Variants in ZNF292 observed in about 807,000 individuals in gnomAD.
ZNF292 encodes the protein zinc finger protein 292, also known as 16 zinc-finger domain protein.
In ZNF292, 26 loss-of-function variants were observed where a neutral mutation model predicts 217.9. That is an observed-to-expected ratio of 0.12 (90% CI 0.09 to 0.17). The LOEUF is 0.17. ZNF292 is among the 10% of genes least tolerant of loss of function. The pLI, the probability that ZNF292 is intolerant of heterozygous loss-of-function variation, is 1.00. For synonymous variants in ZNF292, 1,257 were observed against 1,124.1 expected, an observed-to-expected ratio of 1.12 and a Z score of -2.37; for missense variants, 2,904 against 3,175.2, an observed-to-expected ratio of 0.91 and a Z score of 2.05.
intron 1 of ZNF292, among the ~76,000 whole-genome samples, chr6:87,197,651 T>G (rs916906183): frequency 6.8e-6 from 1 of 147,542 alleles, no homozygotes; most frequent in Non-Finnish European, 1.5e-5. Flanking sequence ...GCAGGAGAAT[T>G]GCTTGAACCC....
In ZNF292 at chr6:87,240,205, A is replaced by G. The variant is rs533164678; in HGVS notation, c.742-3270A>G. 8.2e-4 allele frequency among the ~76,000 whole-genome samples: 125 copies of G among 152,274 alleles called. 3 individuals carry two copies. The South Asian group carries it at 0.019, about 24-fold the overall frequency. Reference sequence around the variant, plus strand: ...TCTCCACCAAAAAAATATGAAAACCAGTCAGGCGTGGCGGCATGCGCCTGC... The same window carrying G: ...TCTCCACCAAAAAAATATGAAAACCGGTCAGGCGTGGCGGCATGCGCCTGC... On this transcript the variant is annotated intron_variant, in intron 5 of 7. Transcript: ENST00000369577.
At position 87,155,609 on chromosome 6, in the gene ZNF292, C is replaced by T. The variant is rs754500506; in HGVS notation, c.18C>T (p.Ala6=). The T allele has an allele frequency of 3.8e-6, 6 of 1,581,564 alleles. No individual in the cohort carries two copies. Among genetic ancestry groups the T allele is most frequent in the Admixed American group, 1.8e-5 (1 of 54,574 alleles). Reference sequence around the variant, plus strand: ...GTGTGAAGATGGCGGACGAAGAGGCCGAGCAGGAGAGGTTGAGTTGCGGCG... The same window carrying T: ...GTGTGAAGATGGCGGACGAAGAGGCTGAGCAGGAGAGGTTGAGTTGCGGCG... MADEE[A]EQERLSCGEG... The change falls in exon 1 of 8, where the codon GCC becomes GCT. Residue 6 remains alanine, a synonymous_variant. Transcript: ENST00000369577.
intron 4 of ZNF292, among the ~76,000 whole-genome samples, chr6:87,229,767 T>C (rs187074481): frequency 6.6e-6 from 1 of 152,228 alleles, no homozygotes; most frequent in Admixed American, 6.5e-5. Flanking sequence ...AAATTAAGTA[T>C]TTTTAAAAAG....
intron 1 of ZNF292, among the ~76,000 whole-genome samples, chr6:87,163,295 C>CA (rs1182720521): frequency 1.3e-5 from 2 of 151,888 alleles, no homozygotes; most frequent in Admixed American, 1.3e-4. Flanking sequence ...ACTAAAAATA[C>CA]AAAAAATTAG....
At chr6:87,163,463 C>A (rs200095796) in intron 1 of ZNF292, among the ~76,000 whole-genome samples, 73 of 150,900 alleles carry the variant, frequency 4.8e-4, no homozygotes, top group East Asian at 2.3e-3. Context: ...AAAAAAAAAA[C>A]CCCAAAAAAA....
At chr6:87,168,499 G>A (rs1770987057) in intron 1 of ZNF292, among the ~76,000 whole-genome samples, 1 of 152,150 alleles carries the variant, frequency 6.6e-6, no homozygotes, top group South Asian at 2.1e-4. Context: ...TTGAGGTCGA[G>A]TTTCGCTCTT....
At chr6:87,168,862 C>A (rs1416537412) in intron 1 of ZNF292, among the ~76,000 whole-genome samples, 1 of 152,040 alleles carries the variant, frequency 6.6e-6, no homozygotes, top group East Asian at 1.9e-4. Context: ...CCAGGACCCC[C>A]CTTAGATTCC....
intron 1 of ZNF292, among the ~76,000 whole-genome samples, chr6:87,170,975 A>C (rs1381403945): frequency 6.6e-6 from 1 of 152,206 alleles, no homozygotes; most frequent in Non-Finnish European, 1.5e-5. Flanking sequence ...CTTTGGAAAC[A>C]CTTTGGATGT....
At position 87,250,441 on chromosome 6, in the gene ZNF292, C is replaced by G. The variant is rs141746964; in HGVS notation, c.1021-4209C>G. On this transcript the variant is annotated intron_variant, in intron 7 of 7. Transcript: ENST00000369577. ...TCAGCCTGGGTGACAAAGTGAGACC[C>G]TGTCTCAAAAAAGAAAAGGAAAAAA... Among the ~76,000 whole-genome samples, 992 of 151,892 alleles carry G rather than the reference C, an allele frequency of 6.5e-3. 4 individuals carry two copies. Among genetic ancestry groups the G allele is most frequent in the Non-Finnish European group, 0.011 (717 of 67,956 alleles).
At chr6:87,177,070 G>A (rs1160180324) in intron 1 of ZNF292, among the ~76,000 whole-genome samples, 1 of 151,996 alleles carries the variant, frequency 6.6e-6, no homozygotes, top group Non-Finnish European at 1.5e-5. Context: ...GCTCACACCT[G>A]TAATCCCAGC....
chr6:87,235,596 T>G (rs1464235344), intron 5 of ZNF292, among the ~76,000 whole-genome samples: 1 of 152,126 alleles, frequency 6.6e-6, no homozygotes, highest in Admixed American at 6.6e-5. Context: ...TATTTCTAGC[T>G]CTCTGAATAA....
At chr6:87,241,971 C>T (rs1356379312) in intron 5 of ZNF292, among the ~76,000 whole-genome samples, 2 of 152,180 alleles carry the variant, frequency 1.3e-5, no homozygotes, top group African/African-American at 4.8e-5. Flanking sequence ...TTATTTTCAA[C>T]TTAGGATGGG....
At chr6:87,174,877 T>C (rs1454335996) in intron 1 of ZNF292, among the ~76,000 whole-genome samples, 1 of 152,214 alleles carries the variant, frequency 6.6e-6, no homozygotes, top group African/African-American at 2.4e-5. Context: ...TGCTAATGTT[T>C]CTAAAAATTT....
rs1310927806 is a variant in ZNF292 at position 87,251,324 on chromosome 6, G to A, written c.1021-3326G>A. On this transcript the variant is annotated intron_variant, in intron 7 of 7. Coordinates refer to ENST00000369577, the MANE Select transcript of ZNF292 (RefSeq NM_015021.3). ...AGGGTAAAGCATGATGTTATGAGTGGGCAGGGAAGAACTGAATGGGATGTT... is the reference window on the plus strand; with the variant it reads ...AGGGTAAAGCATGATGTTATGAGTGAGCAGGGAAGAACTGAATGGGATGTT... Among the ~76,000 whole-genome samples, 4 of 152,114 alleles carry A rather than the reference G, an allele frequency of 2.6e-5. No homozygotes were observed. In the East Asian group the frequency reaches 7.7e-4, roughly 29 times the overall value.
intron 1 of ZNF292, among the ~76,000 whole-genome samples, chr6:87,212,565 G>C (rs1019282940): frequency 1.4e-4 from 21 of 152,210 alleles, no homozygotes; most frequent in African/African-American, 3.6e-4. Context: ...TTTGTGCTAA[G>C]AACCTAGGAC....
intron 3 of ZNF292, 93 bp from the exon 4 acceptor site, chr6:87,218,503 T>C (rs1446648258): frequency 9.8e-7 from 1 of 1,018,094 alleles, no homozygotes; most frequent in Non-Finnish European, 1.3e-6. Flanking sequence ...AAGATGAAAG[T>C]CTTTTCAGAA....
At chr6:87,166,654 T>TA (rs1464321050) in intron 1 of ZNF292, among the ~76,000 whole-genome samples, 1 of 152,242 alleles carries the variant, frequency 6.6e-6, no homozygotes, top group East Asian at 1.9e-4. Context: ...TTGACTATGT[T>TA]ATGTTGCTTG....
chr6:87,259,634 G>T lies in ZNF292; in HGVS notation c.6005G>T (p.Ser2002Ile). Reference sequence around the variant, plus strand: ...AGTGAAAATGTGCCGGCCTCACGAAGTACACAAGTGAAAAAACAGCTAGCT... The same window carrying T: ...AGTGAAAATGTGCCGGCCTCACGAATTACACAAGTGAAAAAACAGCTAGCT... ...SQSENVPASR[S>I]TQVKKQLAMT... The change falls in exon 8 of 8, where the codon AGT becomes ATT. Residue 2002 changes from serine to isoleucine, a missense_variant. Coordinates refer to ENST00000369577, the MANE Select transcript of ZNF292 (RefSeq NM_015021.3). 6.3e-7 allele frequency: 1 copy of T among 1,584,628 alleles called. No individual in the cohort carries two copies. The highest frequency in any genetic ancestry group is 1.3e-5 in the African/African-American group (1 of 74,282).
At position 87,265,585 on chromosome 6, in the gene ZNF292, A is replaced by T. The variant is rs1775781452; in HGVS notation, c.*3784A>T. Reference sequence around the variant, plus strand: ...AAAGTTCTACTGTAAATATGTAAAAAGTTGAAAGGGAATTTTCCAGACTTA... The same window carrying T: ...AAAGTTCTACTGTAAATATGTAAAATGTTGAAAGGGAATTTTCCAGACTTA... On this transcript the variant is annotated 3_prime_UTR_variant, in exon 8 of 8. Transcript: ENST00000369577. Among the ~76,000 whole-genome samples the T allele has an allele frequency of 6.6e-6, 1 of 152,202 alleles. No homozygotes were observed. Among genetic ancestry groups the T allele is most frequent in the African/African-American group, 2.4e-5 (1 of 41,444 alleles).
Sources: allele counts gnomAD v4.1 joint callset (sites outside exome capture counted in the v4.1 genomes callset), GRCh38; gene constraint gnomAD v4.1.1; transcripts MANE v1.5; gene names NCBI Gene and HGNC (gene_info 2026-07-23, HGNC 2026-07-21).